Variants in FRMD4B observed in about 807,000 individuals in gnomAD.
The protein encoded by FRMD4B is FERM domain containing 4B.
A neutral mutation model predicts 141.5 loss-of-function variants in FRMD4B; 74 were observed. The observed-to-expected ratio is 0.52, with a 90% confidence interval of 0.43 to 0.63. FRMD4B has a LOEUF of 0.63. Among genes scored for constraint, FRMD4B ranks in the 30% least tolerant of loss-of-function variants. The pLI is 0.00. For missense variants in FRMD4B, 1,366 were observed against 1,253.4 expected (o/e 1.09, Z -1.36); for synonymous variants, 506 against 467.9 (o/e 1.08, Z -1.05).
intron 4 of FRMD4B, 138 bp downstream of exon 4, chr3:69,302,205 A>T (rs889213743): frequency 2.1e-5 from 13 of 631,934 alleles, no homozygotes; most frequent in Non-Finnish European, 3.2e-5. Flanking sequence ...TTCACATGAT[A>T]ATGTTTTGAT....
chr3:69,511,355 C>A (rs551052335), intron 1 of FRMD4B, among the ~76,000 whole-genome samples: 1 of 152,198 alleles, frequency 6.6e-6, no homozygotes, highest in East Asian at 1.9e-4. Context: ...AATGTGCCAG[C>A]CACTATGCTA....
intron 1 of FRMD4B, among the ~76,000 whole-genome samples, chr3:69,358,572 C>A (rs1703388446): frequency 6.6e-6 from 1 of 152,028 alleles, no homozygotes; most frequent in African/African-American, 2.4e-5. Context: ...TCCATCTCTA[C>A]AAAATACACA....
chr3:69,477,013 T>A (rs9832242), intron 1 of FRMD4B, among the ~76,000 whole-genome samples: 95,989 of 151,694 alleles, frequency 0.63, 31,550 homozygotes, highest in African/African-American at 0.82. Flanking sequence ...TTTGTCTGTT[T>A]TTGGTGTGTA....
At chr3:69,276,381 G>A (rs1035118300) in intron 5 of FRMD4B, among the ~76,000 whole-genome samples, 3 of 151,910 alleles carry the variant, frequency 2.0e-5, no homozygotes, top group African/African-American at 4.8e-5. Context: ...CAAGTGATCC[G>A]CCCACCTCAG....
At chr3:69,459,439 T>C (rs11926610) in intron 1 of FRMD4B, among the ~76,000 whole-genome samples, 8 of 152,214 alleles carry the variant, frequency 5.3e-5, no homozygotes, top group African/African-American at 1.9e-4. Flanking sequence ...TATATAGATA[T>C]ATGTACACCT....
intron 1 of FRMD4B, among the ~76,000 whole-genome samples, chr3:69,469,153 C>G (rs1705844702): frequency 6.6e-6 from 1 of 152,112 alleles, no homozygotes; most frequent in Non-Finnish European, 1.5e-5. Flanking sequence ...GCAAGGGAGG[C>G]TCGGGGATGT....
intron 5 of FRMD4B, among the ~76,000 whole-genome samples, chr3:69,252,605 A>C (rs1479200593): frequency 6.6e-6 from 1 of 152,234 alleles, no homozygotes; most frequent in African/African-American, 2.4e-5. Flanking sequence ...TTACTAAACA[A>C]TACATTATTC....
At chr3:69,432,368 A>C (rs986466692) in intron 2 of FRMD4B, among the ~76,000 whole-genome samples, 2 of 152,198 alleles carry the variant, frequency 1.3e-5, no homozygotes, top group African/African-American at 2.4e-5. Flanking sequence ...GTGGGAAAAG[A>C]CCTATAAAAT....
At chr3:69,338,215 C>T (rs1702618490) in intron 1 of FRMD4B, among the ~76,000 whole-genome samples, 1 of 152,102 alleles carries the variant, frequency 6.6e-6, no homozygotes, top group Non-Finnish European at 1.5e-5. Flanking sequence ...GGACAAAAAA[C>T]CAAACTCCAC....
rs186273056 is a variant in FRMD4B, at chr3:69,217,189, A to T, written c.790-840T>A. The stretch of plus-strand genomic sequence containing the variant: ...TGTTTGAATAATTGGTTTGAGGTAC[A>T]TACGGGGAGGTGAGTAATATTGTTT... On this transcript the variant is annotated intron_variant, in intron 10 of 22. Transcript: ENST00000398540. Among the ~76,000 whole-genome samples, 4 of 152,352 alleles carry T rather than the reference A, an allele frequency of 2.6e-5. No individual in the cohort carries two copies. In the East Asian group the frequency reaches 7.7e-4, roughly 29 times the overall value.
intron 1 of FRMD4B, among the ~76,000 whole-genome samples, chr3:69,381,207 T>C (rs1166674397): frequency 2.0e-5 from 3 of 152,254 alleles, no homozygotes; most frequent in Non-Finnish European, 2.9e-5. Flanking sequence ...TCTTAATTAT[T>C]CATGGTTTGT....
At chr3:69,525,052 A>G (rs1242149455) in intron 1 of FRMD4B, among the ~76,000 whole-genome samples, 1 of 152,242 alleles carries the variant, frequency 6.6e-6, no homozygotes, top group African/African-American at 2.4e-5. Flanking sequence ...AGCAGGCAGA[A>G]TGGAAGTGGG....
chr3:69,203,563 G>A (rs956833357), intron 11 of FRMD4B, among the ~76,000 whole-genome samples: 1 of 152,152 alleles, frequency 6.6e-6, no homozygotes, highest in Non-Finnish European at 1.5e-5. Context: ...AGAGCCAAGT[G>A]AACCAAGTCA....
chr3:69,441,771 CT>C (rs1302683110), intron 1 of FRMD4B, among the ~76,000 whole-genome samples: 1 of 152,148 alleles, frequency 6.6e-6, no homozygotes, highest in Admixed American at 6.6e-5. Context: ...CTCCTGTGTC[CT>C]CTTATATCAA....
chr3:69,386,279 GA>G (rs936047277), upstream of FRMD4B: 5 of 317,244 alleles, frequency 1.6e-5, no homozygotes, highest in Non-Finnish European at 2.3e-5. Context: ...GCTGGCCCTC[GA>G]TGCTCCCGGG....
At chr3:69,206,187 T>C (rs2093022915) in intron 11 of FRMD4B, among the ~76,000 whole-genome samples, 1 of 151,934 alleles carries the variant, frequency 6.6e-6, no homozygotes, top group South Asian at 2.1e-4. Context: ...CCATCTCTGC[T>C]AAAAATACAA....
intron 1 of FRMD4B, among the ~76,000 whole-genome samples, chr3:69,474,331 G>A (rs1166876144): frequency 6.6e-6 from 1 of 152,158 alleles, no homozygotes; most frequent in Non-Finnish European, 1.5e-5. Context: ...TATATCTGGG[G>A]AAACTCAGCA....
At chr3:69,194,013 G>C in intron 16 of FRMD4B, 140 bp from the exon 17 acceptor site, 1 of 617,262 alleles carries the variant, frequency 1.6e-6, no homozygotes, top group Non-Finnish European at 2.8e-6. Context: ...TTACTGCATA[G>C]ACATCCTTGT....
At chr3:69,265,019 G>A (rs1172806514) in intron 5 of FRMD4B, among the ~76,000 whole-genome samples, 3 of 151,910 alleles carry the variant, frequency 2.0e-5, no homozygotes, top group Admixed American at 6.6e-5. Flanking sequence ...ACTTTGGGAG[G>A]CAGAGGCAGG....
Sources: allele counts gnomAD v4.1 joint callset (sites outside exome capture counted in the v4.1 genomes callset), GRCh38; gene constraint gnomAD v4.1.1; transcripts MANE v1.5; gene names NCBI Gene and HGNC (gene_info 2026-07-23, HGNC 2026-07-21).